The following MACROD2 variants were observed in gnomAD, a reference collection of about 807,000 sequenced individuals.
MACROD2 encodes ADP-ribose glycohydrolase MACROD2.
In MACROD2, 36 loss-of-function variants were observed where a neutral mutation model predicts 70.4. That is an observed-to-expected ratio of 0.51 (90% confidence interval 0.39 to 0.68). The LOEUF (loss-of-function observed/expected upper bound fraction) is 0.68, where lower values mean the gene tolerates loss of function less well. Ranked by LOEUF, MACROD2 falls within the 30% of genes least tolerant of loss-of-function variation. The pLI, the probability that MACROD2 is intolerant of heterozygous loss-of-function variation, is 0.00. For synonymous variants in MACROD2, 172 were observed against 178.8 expected, an observed-to-expected ratio of 0.96 and a Z score of 0.30; for missense variants, 496 against 538.4, an observed-to-expected ratio of 0.92 and a Z score of 0.78.
At chr20:14,491,544 C>T (rs1383644991) in intron 3 of MACROD2, among the ~76,000 whole-genome samples, 1 of 152,192 alleles carries the variant, frequency 6.6e-6, no homozygotes, top group Non-Finnish European at 1.5e-5. Flanking sequence ...CATGAACACA[C>T]AGTTGACATA....
intron 12 of MACROD2, among the ~76,000 whole-genome samples, chr20:15,937,861 A>G (rs991393759): frequency 6.6e-6 from 1 of 152,136 alleles, no homozygotes; most frequent in Non-Finnish European, 1.5e-5. Context: ...TTAAAACACC[A>G]GAATTAATCA....
In MACROD2 at chr20:15,806,197, T is replaced by C. The variant is rs533404812; in HGVS notation, c.646-56548T>C. Among the ~76,000 whole-genome samples, 3 of 152,346 alleles carry C rather than the reference T, an allele frequency of 2.0e-5. No homozygotes were observed. The South Asian group carries it at 6.2e-4, about 32-fold the overall frequency. On this transcript the variant is annotated intron_variant, in intron 8 of 17. Coordinates refer to ENST00000684519, the MANE Select transcript of MACROD2 (RefSeq NM_001351661.2). ...AGTGAATAAAAAACACGAGCTTTTC[T>C]TAACAATAGACCTTCTAATGAGTGA...
chr20:14,291,551 T>C (rs1052830597), intron 3 of MACROD2, among the ~76,000 whole-genome samples: 1 of 151,930 alleles, frequency 6.6e-6, no homozygotes. Flanking sequence ...AGTTTGCAAA[T>C]TTGATAAGTA....
At chr20:15,847,175 A>C (rs1467412430) in intron 8 of MACROD2, among the ~76,000 whole-genome samples, 3 of 152,112 alleles carry the variant, frequency 2.0e-5, no homozygotes, top group Non-Finnish European at 4.4e-5. Flanking sequence ...TCTCCTCAAC[A>C]TTTCCAAAAG....
At chr20:15,885,302 A>G (rs1447776998) in intron 9 of MACROD2, among the ~76,000 whole-genome samples, 2 of 152,162 alleles carry the variant, frequency 1.3e-5, no homozygotes, top group Non-Finnish European at 2.9e-5. Context: ...GCAGCAAAGC[A>G]GCACTTTCCA....
chr20:15,649,207 CTTCTTTCTTTCT>C (rs146662837), intron 8 of MACROD2, among the ~76,000 whole-genome samples: 6,964 of 137,626 alleles, frequency 0.051, 265 homozygotes, highest in East Asian at 0.21. Flanking sequence ...TCTTTCTTTC[CTTCTTTCTTTCT>C]TTCTTTCTTT....
At chr20:14,278,097 A>C (rs946718333) in intron 3 of MACROD2, among the ~76,000 whole-genome samples, 2 of 152,256 alleles carry the variant, frequency 1.3e-5, no homozygotes, top group African/African-American at 4.8e-5. Context: ...GAATTAGTGT[A>C]TAAGCAAATG....
intron 5 of MACROD2, among the ~76,000 whole-genome samples, chr20:15,058,122 C>T (rs2075501506): frequency 6.6e-6 from 1 of 152,140 alleles, no homozygotes; most frequent in Non-Finnish European, 1.5e-5. Context: ...AGGGGAAGGG[C>T]ATAGTCTTTC....
intron 5 of MACROD2, among the ~76,000 whole-genome samples, chr20:15,012,285 A>G (rs1297214369): frequency 6.6e-6 from 1 of 152,176 alleles, no homozygotes; most frequent in Non-Finnish European, 1.5e-5. Flanking sequence ...TTTTGCATCA[A>G]ATCAGCCAGA....
chr20:14,559,606 T>C (rs2123286885), intron 4 of MACROD2, among the ~76,000 whole-genome samples: 1 of 151,948 alleles, frequency 6.6e-6, no homozygotes, highest in Admixed American at 6.6e-5. Flanking sequence ...TCCCTCTACT[T>C]TCTGTTTTTA....
chr20:14,999,488 A>G (rs2122892572), intron 5 of MACROD2, among the ~76,000 whole-genome samples: 1 of 152,302 alleles, frequency 6.6e-6, no homozygotes, highest in South Asian at 2.1e-4. Context: ...CTACAAAAAA[A>G]TAAAGAAATT....
intron 6 of MACROD2, among the ~76,000 whole-genome samples, chr20:15,398,602 G>A (rs977050022): frequency 1.9e-4 from 29 of 152,168 alleles, no homozygotes; most frequent in African/African-American, 6.8e-4. Flanking sequence ...GTAAACAACA[G>A]TTTTCTCACA....
At chr20:14,278,672 CATTA>C in intron 3 of MACROD2, among the ~76,000 whole-genome samples, 1 of 152,168 alleles carries the variant, frequency 6.6e-6, no homozygotes, top group African/African-American at 2.4e-5. Flanking sequence ...ATTTACTTCA[CATTA>C]ATTGTGTTTA....
chr20:14,548,791 G>A (rs2123254403), intron 4 of MACROD2, among the ~76,000 whole-genome samples: 1 of 151,636 alleles, frequency 6.6e-6, no homozygotes, highest in South Asian at 2.1e-4. Context: ...AATTCACTGG[G>A]AAGTGATCCC....
At chr20:15,021,014 A>G (rs1280671850) in intron 5 of MACROD2, among the ~76,000 whole-genome samples, 10 of 147,722 alleles carry the variant, frequency 6.8e-5, no homozygotes, top group Admixed American at 6.7e-4. Context: ...ACACATGTGT[A>G]TATGTATACA....
At chr20:15,083,182 A>G (rs2075718382) in intron 5 of MACROD2, among the ~76,000 whole-genome samples, 1 of 152,098 alleles carries the variant, frequency 6.6e-6, no homozygotes, top group Non-Finnish European at 1.5e-5. Flanking sequence ...TCCACACCTA[A>G]TTGTGATGAC....
At chr20:14,578,241 CA>C (rs1980749871) in intron 4 of MACROD2, among the ~76,000 whole-genome samples, 1 of 151,628 alleles carries the variant, frequency 6.6e-6, no homozygotes, top group Admixed American at 6.6e-5. Flanking sequence ...TGTTCAAATA[CA>C]ACATAAAAAT....
At chr20:14,949,740 G>A (rs1568892705) in intron 5 of MACROD2, among the ~76,000 whole-genome samples, 2 of 152,130 alleles carry the variant, frequency 1.3e-5, no homozygotes, top group South Asian at 2.1e-4. Flanking sequence ...CTTCAAAGAT[G>A]TTTATATTTT....
chr20:14,265,870 G>A (rs1178209965), intron 3 of MACROD2, among the ~76,000 whole-genome samples: 7 of 150,872 alleles, frequency 4.6e-5, no homozygotes, highest in East Asian at 2.0e-4. Flanking sequence ...TCCGCCTTCC[G>A]GGTTCACGCC....
Sources: allele counts gnomAD v4.1 joint callset (sites outside exome capture counted in the v4.1 genomes callset), GRCh38; gene constraint gnomAD v4.1.1; transcripts MANE v1.5; gene names NCBI Gene and HGNC (gene_info 2026-07-23, HGNC 2026-07-21).